The following SLC35F3 variants were observed in gnomAD, a reference collection of about 807,000 sequenced individuals.
SLC35F3 encodes solute carrier family 35 member F3, also known as putative thiamine transporter SLC35F3.
In SLC35F3, 25 loss-of-function variants were observed where a neutral mutation model predicts 49.9. The observed-to-expected ratio is 0.50, with a 90% CI of 0.37 to 0.70. The LOEUF (loss-of-function observed/expected upper bound fraction) is 0.70, where lower values mean the gene tolerates loss of function less well. Ranked by LOEUF, SLC35F3 falls within the 30% of genes least tolerant of loss-of-function variation. SLC35F3 has a pLI of 0.00. For missense variants in SLC35F3, 525 were observed against 639.8 expected (o/e 0.82, Z 1.94); for synonymous variants, 275 against 265.4 (o/e 1.04, Z -0.35).
intron 2 of SLC35F3, among the ~76,000 whole-genome samples, chr1:234,140,668 G>C (rs1169010758): frequency 6.6e-6 from 1 of 152,112 alleles, no homozygotes; most frequent in African/African-American, 2.4e-5. Context: ...AACACTCAGG[G>C]GGATGCTCAT....
intron 2 of SLC35F3, among the ~76,000 whole-genome samples, chr1:234,205,108 C>A (rs909214604): frequency 5.9e-5 from 9 of 152,208 alleles, no homozygotes; most frequent in Non-Finnish European, 1.2e-4. Flanking sequence ...ACAATTATTT[C>A]TTTGGAGCAC....
intron 2 of SLC35F3, among the ~76,000 whole-genome samples, chr1:234,189,959 A>C (rs1340421452): frequency 6.6e-6 from 1 of 152,240 alleles, no homozygotes; most frequent in Admixed American, 6.5e-5. Context: ...TTTTGTACCC[A>C]GTGAAACTAA....
At chr1:234,013,826 GAGTT>G (rs1315282857) in intron 2 of SLC35F3, among the ~76,000 whole-genome samples, 1 of 149,966 alleles carries the variant, frequency 6.7e-6, no homozygotes, top group African/African-American at 2.5e-5. Context: ...TAAAGAGACT[GAGTT>G]AGTAATAAAA....
At chr1:234,236,108 T>G (rs1192174466) in intron 3 of SLC35F3, among the ~76,000 whole-genome samples, 1 of 152,046 alleles carries the variant, frequency 6.6e-6, no homozygotes, top group Non-Finnish European at 1.5e-5. Context: ...CATGTCCAGA[T>G]ACATGTGTCC....
chr1:233,904,758 T>C lies in SLC35F3; in HGVS notation c.-320T>C, dbSNP rs1264979864. Among the ~76,000 whole-genome samples the C allele has an allele frequency of 6.6e-6, 1 of 151,656 alleles. No homozygotes were observed. The highest frequency in any genetic ancestry group is 1.9e-4 in the East Asian group (1 of 5,180). On this transcript the variant is annotated 5_prime_UTR_variant, in exon 1 of 8. Coordinates refer to ENST00000366618, the MANE Select transcript of SLC35F3 (RefSeq NM_173508.4). ...TCCCGGTCGCGGCGAGACTCACGCC[T>C]GCGGTGTGCTAGGGCGGCGGCGACG...
At chr1:234,187,219 C>A (rs1011982503) in intron 2 of SLC35F3, among the ~76,000 whole-genome samples, 1 of 152,180 alleles carries the variant, frequency 6.6e-6, no homozygotes, top group African/African-American at 2.4e-5. Flanking sequence ...CACCACACAG[C>A]GGTTTGTAAA....
chr1:234,052,653 A>C (rs1664396438), intron 2 of SLC35F3, among the ~76,000 whole-genome samples: 1 of 151,516 alleles, frequency 6.6e-6, no homozygotes, highest in Non-Finnish European at 1.5e-5. Context: ...TTCTGCTCTG[A>C]TCTTAGTTAT....
intron 3 of SLC35F3, among the ~76,000 whole-genome samples, chr1:234,293,340 C>T (rs1374183148): frequency 6.6e-6 from 1 of 152,280 alleles, no homozygotes; most frequent in African/African-American, 2.4e-5. Context: ...GTCTAGGAGG[C>T]GAGGAACTGA....
rs558552454 is a variant in SLC35F3, at chr1:233,975,653, C to T, written c.283+69895C>T. On this transcript the variant is annotated intron_variant, in intron 2 of 7. Transcript: ENST00000366618. ...AGAGGGGCGCTGCTGTGGGCAGGAG[C>T]GTGGTTGAACGGGGAGCAACAGGCC... Among the ~76,000 whole-genome samples, 8 of 152,282 alleles carry T rather than the reference C, an allele frequency of 5.3e-5. No homozygotes were observed. The South Asian group carries it at 6.2e-4, about 12-fold the overall frequency.
intron 2 of SLC35F3, among the ~76,000 whole-genome samples, chr1:234,204,074 T>A (rs938222925): frequency 2.6e-5 from 4 of 152,214 alleles, no homozygotes; most frequent in African/African-American, 9.6e-5. Context: ...TCTTATAATC[T>A]TTTGTGTAAA....
Position 234,231,519 on chromosome 1 carries a change from G to T in SLC35F3, c.386G>T (p.Arg129Leu), listed in dbSNP as rs373288010. ...RASRRCWTCS[R>L]AQLKKIFWGV... ...AGTCGCCGCTGCTGGACGTGCTCCC[G>T]GGCGCAACTCAAGAAGATCTTCTGG... The change falls in exon 3 of 8, where the codon CGG becomes CTG. Residue 129 changes from arginine to leucine, a missense_variant. By Grantham distance (102) the Arg-to-Leu change is moderately radical (BLOSUM62 -2). Around this residue, in one of 4 missense-constraint regions of SLC35F3, gnomAD observed 228 missense variants for 218.9 expected, o/e 1.04. Coordinates refer to ENST00000366618, the MANE Select transcript of SLC35F3 (RefSeq NM_173508.4). This position sits in a 1 kb window ranked among gnomAD's most constrained non-coding sequence, Gnocchi z 5.4. The T allele has an allele frequency of 1.2e-6, 2 of 1,613,742 alleles. No homozygotes were observed. The highest frequency in any genetic ancestry group is 2.7e-5 in the African/African-American group (2 of 74,912).
intron 2 of SLC35F3, among the ~76,000 whole-genome samples, chr1:233,979,437 G>C (rs1663144527): frequency 6.6e-6 from 1 of 152,334 alleles, no homozygotes; most frequent in African/African-American, 2.4e-5. Context: ...GAAGAGAAAG[G>C]ACATTTTGTC....
chr1:234,276,220 A>C (rs964807277), intron 3 of SLC35F3, among the ~76,000 whole-genome samples: 2 of 152,198 alleles, frequency 1.3e-5, no homozygotes, highest in African/African-American at 2.4e-5. Context: ...ATGCTAAATT[A>C]AGCCTCTTCA....
At chr1:234,217,517 CAATCTGAGGAGGTGTTCCTG>C (rs1229821583) in intron 2 of SLC35F3, among the ~76,000 whole-genome samples, 1 of 152,178 alleles carries the variant, frequency 6.6e-6, no homozygotes, top group Non-Finnish European at 1.5e-5. Flanking sequence ...GAGAGTTGAG[CAATCTGAGGAGGTGTTCCTG>C]AGGAGGAGGC....
chr1:234,206,085 C>T (rs770170972), intron 2 of SLC35F3, among the ~76,000 whole-genome samples: 3 of 152,044 alleles, frequency 2.0e-5, no homozygotes, highest in South Asian at 2.1e-4. Context: ...CTAGGAAATG[C>T]GGAGAGGCAG....
chr1:234,151,272 G>C (rs1481540709), intron 2 of SLC35F3, among the ~76,000 whole-genome samples: 1 of 148,776 alleles, frequency 6.7e-6, no homozygotes, highest in African/African-American at 2.5e-5. Context: ...AAAAAAAACA[G>C]AAGAGGAAGC....
rs145941427 is a variant in SLC35F3, at chr1:234,196,597, C to T, written c.284-34820C>T. Among the ~76,000 whole-genome samples the T allele has an allele frequency of 7.5e-4, 114 of 152,308 alleles. 3 individuals are homozygous for T. In the East Asian group the frequency reaches 0.018, roughly 24 times the overall value. ...CTGGCTCCCCACTAACATGTAAGCC[C>T]GAGGAGGGCAGATTCTGGAAATGTT... On this transcript the variant is annotated intron_variant, in intron 2 of 7. Transcript: ENST00000366618.
chr1:234,149,752 G>A (rs1414947325), intron 2 of SLC35F3, among the ~76,000 whole-genome samples: 2 of 152,154 alleles, frequency 1.3e-5, no homozygotes, highest in East Asian at 1.9e-4. Context: ...TCAGGAGCAT[G>A]CTTTTCTTGT....
intron 3 of SLC35F3, among the ~76,000 whole-genome samples, chr1:234,238,509 A>T (rs1474338372): frequency 6.6e-6 from 1 of 152,212 alleles, no homozygotes; most frequent in Non-Finnish European, 1.5e-5. Context: ...AGATTGTGAC[A>T]TCACCGTCTG....
Sources: gnomAD v4.1 joint callset for allele counts (sites outside exome capture counted in the v4.1 genomes callset) on GRCh38, gnomAD v4.1.1 for gene constraint, gnomAD v4.1.1 regional missense constraint, Gnocchi (gnomAD v3.1) non-coding constraint, MANE v1.5 for transcripts, NCBI Gene and HGNC (gene_info 2026-07-23, HGNC 2026-07-21) for gene names.